The following P2RY11 variants were observed in gnomAD, a reference collection of about 807,000 sequenced individuals.
P2RY11 encodes the protein P2Y purinoceptor 11.
A neutral mutation model predicts 2.4 loss-of-function variants in P2RY11; 3 were observed. The observed-to-expected ratio is 1.22, with a 90% CI of 0.56 to 3.17. The LOEUF is 3.17. P2RY11 is among the 30% of genes most tolerant of loss of function. The pLI, the probability that P2RY11 is intolerant of heterozygous loss-of-function variation, is 0.03. For synonymous variants in P2RY11, 307 were observed against 237.3 expected, an observed-to-expected ratio of 1.29 and a Z score of -2.70; for missense variants, 670 against 528.2, an observed-to-expected ratio of 1.27 and a Z score of -2.63.
chr19:10,114,391 T>C lies in P2RY11; in HGVS notation c.778T>C (p.Ser260Pro). The C allele has an allele frequency of 6.2e-7, 1 of 1,609,386 alleles. No individual in the cohort carries two copies. The highest frequency in any genetic ancestry group is 8.5e-7 in the Non-Finnish European group (1 of 1,179,858). ...CAGTGGTGTGGCCCTCTACGCCAGC[T>C]CCTATGTGCCCTACCACATCATGCG... ...VASGVALYAS[S>P]YVPYHIMRVL... The change falls in exon 2 of 2, where the codon TCC becomes CCC. Residue 260 changes from serine to proline, a missense_variant. By Grantham distance (74) the Ser-to-Pro change is moderately conservative (BLOSUM62 -1). Transcript: ENST00000321826.
At position 10,114,508 on chromosome 19, in the gene P2RY11, C is replaced by G. The variant is rs761975287; in HGVS notation, c.895C>G (p.Pro299Ala). The G allele has an allele frequency of 1.9e-6, 3 of 1,609,610 alleles. No individual in the cohort carries two copies. Among genetic ancestry groups the G allele is most frequent in the Non-Finnish European group, 8.5e-7 (1 of 1,177,280 alleles). Residue 299 changes from proline (P) to alanine (A), a missense_variant, in exon 2 of 2, where the codon CCC becomes GCC. Transcript: ENST00000321826. ...GGCCACAGCAGCCCTGGAGCTGGGG[C>G]CCTACGTGGGCTACCAGGTGATGCG... ...AQATAALELG[P>A]YVGYQVMRGL...
At chr19:10,112,151 G>A in intron 1 of P2RY11, 1 of 183,546 alleles carries the variant, frequency 5.4e-6, no homozygotes, top group East Asian at 1.7e-4. Context: ...GGTGATGCGA[G>A]CCTGTGATTC....
At chr19:10,112,969 A>T (rs1185913111) in intron 1 of P2RY11, among the ~76,000 whole-genome samples, 2 of 150,600 alleles carry the variant, frequency 1.3e-5, no homozygotes, top group Non-Finnish European at 3.0e-5. Flanking sequence ...GTGCGAAGGT[A>T]CCAAGGCACA....
chr19:10,111,788 G>A (rs764715679), intron 1 of P2RY11, 48 bp downstream of exon 1: 86 of 1,609,588 alleles, frequency 5.3e-5, no homozygotes, highest in Admixed American at 1.8e-4. Context: ...CAGATTGTCA[G>A]GAGGTGGGGG....
In P2RY11 at chr19:10,115,056, C is replaced by G. The variant is rs369484038; in HGVS notation, c.*318C>G. 1 of 1,612,046 alleles carries G rather than the reference C, an allele frequency of 6.2e-7. No individual in the cohort carries two copies. Among genetic ancestry groups the G allele is most frequent in the African/African-American group, 1.3e-5 (1 of 74,948 alleles). Reference sequence around the variant, plus strand: ...CTTTATTGCCCTTGGAGCCCGCGCTCTCGGAGGCTGTCTTCTGTCGCCAAG... The same window carrying G: ...CTTTATTGCCCTTGGAGCCCGCGCTGTCGGAGGCTGTCTTCTGTCGCCAAG... On this transcript the variant is annotated 3_prime_UTR_variant, in exon 2 of 2. Coordinates refer to ENST00000321826, the MANE Select transcript of P2RY11 (RefSeq NM_002566.5).
Position 10,114,150 on chromosome 19 carries a change from C to T in P2RY11, c.537C>T (p.Asn179=), listed in dbSNP as rs1555763652. ...AGAGGCCGCAGCAGGGGGCGGGCAA[C>T]TGCAGCGTGGCCAGGCCCGAGGCCT... ...HLKRPQQGAG[N]CSVARPEACI... Residue 179 remains asparagine (N), a synonymous_variant, in exon 2 of 2, where the codon AAC becomes AAT. Transcript: ENST00000321826. 1 of 1,601,206 alleles carries T rather than the reference C, an allele frequency of 6.2e-7. No homozygotes were observed. The highest frequency in any genetic ancestry group is 8.5e-7 in the Non-Finnish European group (1 of 1,179,612).
chr19:10,113,620 C>G lies in P2RY11; in HGVS notation c.20-13C>G. ...GGGAATAGGGCTCAGCTGGTGACAC[C>G]TTCTGCCCACAGGTGCCAAGTCCTG... On this transcript the variant is annotated splice_polypyrimidine_tract_variant and intron_variant, in intron 1 of 1. Coordinates refer to ENST00000321826, the MANE Select transcript of P2RY11 (RefSeq NM_002566.5). 1.9e-6 allele frequency: 3 copies of G among 1,603,060 alleles called. No homozygotes were observed. The highest frequency in any genetic ancestry group is 2.6e-6 in the Non-Finnish European group (3 of 1,171,796).
At position 10,114,450 on chromosome 19, in the gene P2RY11, C is replaced by T; in HGVS notation, c.837C>T (p.Ser279=). 1 of 1,611,702 alleles carries T rather than the reference C, an allele frequency of 6.2e-7. No individual in the cohort carries two copies. The highest frequency in any genetic ancestry group is 8.5e-7 in the Non-Finnish European group (1 of 1,179,850). The change falls in exon 2 of 2, where the codon AGC becomes AGT. Residue 279 remains serine, a synonymous_variant. Transcript: ENST00000321826. The part of the protein sequence containing the change: ...VLNVDARRRW[S]TRCPSFADIA... ...ACGTGGATGCTCGGCGGCGCTGGAG[C>T]ACCCGCTGCCCGAGCTTTGCAGACA...
In P2RY11 at chr19:10,113,633, G is replaced by C. The variant is rs769726757; in HGVS notation, c.20G>C (p.Gly7Ala). Residue 7 changes from glycine to alanine, a missense_variant and splice_region_variant, in exon 2 of 2, where the codon GGT becomes GCT. Coordinates refer to ENST00000321826, the MANE Select transcript of P2RY11 (RefSeq NM_002566.5). Reference sequence around the variant, plus strand: ...AGCTGGTGACACCTTCTGCCCACAGGTGCCAAGTCCTGCCCTGCCAACTTC... The same window carrying C: ...AGCTGGTGACACCTTCTGCCCACAGCTGCCAAGTCCTGCCCTGCCAACTTC... Reference protein sequence around the residue: MAANVSGAKSCPANFLA... With the variant: MAANVSAAKSCPANFLA... The C allele has an allele frequency of 1.2e-6, 2 of 1,607,358 alleles. No individual in the cohort carries two copies. The highest frequency in any genetic ancestry group is 8.5e-7 in the Non-Finnish European group (1 of 1,174,730).
At position 10,115,199 on chromosome 19, in the gene P2RY11, AT is replaced by A; in HGVS notation, c.*462del. The A allele has an allele frequency of 1.3e-6, 2 of 1,583,520 alleles. No individual in the cohort carries two copies. The highest frequency in any genetic ancestry group is 1.7e-6 in the Non-Finnish European group (2 of 1,159,778). ...CCAAGACCCCAGACACCCAAGTGGC[AT>A]CTTGGGGGTGGGTGGGCAGAGGACG... On this transcript the variant is annotated 3_prime_UTR_variant, in exon 2 of 2. Transcript: ENST00000321826.
At chr19:10,112,612 A>G (rs10409569) in intron 1 of P2RY11, among the ~76,000 whole-genome samples, 4,465 of 152,258 alleles carry the variant, frequency 0.029, 221 homozygotes, top group African/African-American at 0.099. Context: ...TCTCGCAGGC[A>G]GGACCACGGA....
At position 10,115,194 on chromosome 19, in the gene P2RY11, G is replaced by A; in HGVS notation, c.*456G>A. 1 of 1,596,208 alleles carries A rather than the reference G, an allele frequency of 6.3e-7. No individual in the cohort carries two copies. Among genetic ancestry groups the A allele is most frequent in the South Asian group, 1.1e-5 (1 of 89,420 alleles). ...GCACCCCAAGACCCCAGACACCCAAGTGGCATCTTGGGGGTGGGTGGGCAG... is the reference window on the plus strand; with the variant it reads ...GCACCCCAAGACCCCAGACACCCAAATGGCATCTTGGGGGTGGGTGGGCAG... On this transcript the variant is annotated 3_prime_UTR_variant, in exon 2 of 2. Coordinates refer to ENST00000321826, the MANE Select transcript of P2RY11 (RefSeq NM_002566.5).
intron 1 of P2RY11, among the ~76,000 whole-genome samples, chr19:10,113,211 A>C (rs979446088): frequency 6.6e-6 from 1 of 151,968 alleles, no homozygotes; most frequent in African/African-American, 2.4e-5. Context: ...CGGGGAGAAG[A>C]GGCTTTGGGC....
In P2RY11 at chr19:10,114,213, G is replaced by A. The variant is rs770246968; in HGVS notation, c.600G>A (p.Ala200=). ...TGGGGACAGCAGACCACGGGCTGGC[G>A]GCCTACAGAGCGTATAGCCTGGTGC... ...KCLGTADHGL[A]AYRAYSLVLA... Residue 200 remains alanine (A), a synonymous_variant, in exon 2 of 2, where the codon GCG becomes GCA. Transcript: ENST00000321826. 58 of 1,599,890 alleles carry A rather than the reference G, an allele frequency of 3.6e-5. No homozygotes were observed. The highest frequency in any genetic ancestry group is 4.5e-5 in the Non-Finnish European group (53 of 1,179,482).
Position 10,114,878 on chromosome 19 carries a change from C to G in P2RY11, c.*140C>G, listed in dbSNP as rs1248070379. The G allele has an allele frequency of 1.4e-6, 2 of 1,437,828 alleles. No homozygotes were observed. The highest frequency in any genetic ancestry group is 1.9e-6 in the Non-Finnish European group (2 of 1,079,160). 89.1% of individuals were successfully genotyped at this position (1,437,828 alleles called of 1,614,324 possible). A position where few individuals can be genotyped will look rare whatever the true frequency, so the allele number is the denominator to read the frequency against. On this transcript the variant is annotated 3_prime_UTR_variant, in exon 2 of 2. Coordinates refer to ENST00000321826, the MANE Select transcript of P2RY11 (RefSeq NM_002566.5). Reference sequence around the variant, plus strand: ...AGGTCAGGCCCAGCTGCAGCCCAGGCAGGAGCAGTCGCCTTTCCCACCCAC... The same window carrying G: ...AGGTCAGGCCCAGCTGCAGCCCAGGGAGGAGCAGTCGCCTTTCCCACCCAC...
intron 1 of P2RY11, chr19:10,112,341 G>C (rs749084038): frequency 6.5e-6 from 1 of 153,506 alleles, no homozygotes. Context: ...GCAGGGAGGC[G>C]CCTCCGGAGA....
In P2RY11 at chr19:10,114,134, AGC is replaced by A; in HGVS notation, c.522_523del (p.Gln175GlyfsTer31). ...AGCTTCTCCCACCTGAAGAGGCCGC[AGC>A]AGGGGGCGGGCAACTGCAGCGTGGC... is the stretch of plus-strand genomic sequence containing the variant. On this transcript the variant is annotated frameshift_variant, in exon 2 of 2. Transcript: ENST00000321826. LOFTEE classifies it low-confidence loss of function (END_TRUNC). 6.2e-7 allele frequency: 1 copy of A among 1,601,096 alleles called. No homozygotes were observed. Among genetic ancestry groups the A allele is most frequent in the Non-Finnish European group, 8.5e-7 (1 of 1,179,628 alleles).
chr19:10,111,859 C>A, intron 1 of P2RY11, 119 bp downstream of exon 1: 1 of 1,227,134 alleles, frequency 8.1e-7, no homozygotes, highest in Non-Finnish European at 1.2e-6. Flanking sequence ...CGCCTGTAAT[C>A]CCAGCACTTT....
At chr19:10,113,554 G>A in intron 1 of P2RY11, 79 bp from the exon 2 acceptor site, 9 of 1,529,960 alleles carry the variant, frequency 5.9e-6, no homozygotes, top group East Asian at 4.5e-5. Context: ...TCCACGCCAT[G>A]GCAGACGTGG....
Sources: gnomAD v4.1 joint callset for allele counts (sites outside exome capture counted in the v4.1 genomes callset) on GRCh38, gnomAD v4.1.1 for gene constraint, MANE v1.5 for transcripts, NCBI Gene and HGNC (gene_info 2026-07-23, HGNC 2026-07-21) for gene names.